Variants in TXNL1 observed in about 807,000 individuals in gnomAD.
The protein encoded by TXNL1 is thioredoxin like 1, also known as thioredoxin-like protein 1.
Under a neutral mutation model 35.5 loss-of-function variants are expected in TXNL1, and 14 were observed. That is an observed-to-expected ratio of 0.39 (90% CI 0.26 to 0.62). TXNL1 has a LOEUF of 0.62. Ranked by LOEUF, TXNL1 falls within the 20% of genes least tolerant of loss-of-function variation. The pLI is 0.47. For synonymous variants in TXNL1, 110 were observed against 115.5 expected (o/e 0.95, Z 0.31); for missense variants, 263 against 349.7 (o/e 0.75, Z 1.98).
intron 3 of TXNL1, among the ~76,000 whole-genome samples, chr18:56,619,027 T>C (rs1202131647): frequency 2.0e-5 from 3 of 151,484 alleles, no homozygotes; most frequent in Admixed American, 1.3e-4. Context: ...CTGGGCAACA[T>C]AGTGAGACTT....
rs1347637353 is a variant in TXNL1 at position 56,599,863 on chromosome 18, TTCTTAC to T, written c.*3158_*3163del. On this transcript the variant is annotated 3_prime_UTR_variant, in exon 8 of 8. Transcript: ENST00000217515. Reference sequence around the variant, plus strand: ...CATGAGCCACTGTTCCCAGCTGGATTTCTTACTCTAAGTTACTTATCTTAAAAAAAA... The same window carrying T: ...CATGAGCCACTGTTCCCAGCTGGATTTCTAAGTTACTTATCTTAAAAAAAA... 1 of 152,150 alleles carries T rather than the reference TTCTTAC, an allele frequency of 6.6e-6. No individual in the cohort carries two copies. Among genetic ancestry groups the T allele is most frequent in the Non-Finnish European group, 1.5e-5 (1 of 68,022 alleles). The allele number at this position is 152,150 out of a possible 1,614,324, so 9.4% of individuals were successfully genotyped here.
chr18:56,636,994 C>T (rs1200717497), intron 1 of TXNL1, among the ~76,000 whole-genome samples: 1 of 152,054 alleles, frequency 6.6e-6, no homozygotes, highest in Non-Finnish European at 1.5e-5. Flanking sequence ...TCTAACATTC[C>T]TTTTAGGTGT....
chr18:56,632,914 TCTGTA>T (rs1224676321), intron 1 of TXNL1, among the ~76,000 whole-genome samples: 1 of 152,238 alleles, frequency 6.6e-6, no homozygotes, highest in Non-Finnish European at 1.5e-5. Context: ...GCCTGCTTAC[TCTGTA>T]CTTCAATAAA....
At chr18:56,603,281 GTT>G (rs34882850) in intron 7 of TXNL1, among the ~76,000 whole-genome samples, 10 of 120,346 alleles carry the variant, frequency 8.3e-5, no homozygotes, top group African/African-American at 1.9e-4. Flanking sequence ...GTTTCACACA[GTT>G]TTTTTTTTTT....
At position 56,599,997 on chromosome 18, in the gene TXNL1, G is replaced by A. The variant is rs1256961537; in HGVS notation, c.*3030C>T. 6.6e-6 allele frequency: 1 copy of A among 152,130 alleles called. No homozygotes were observed. 9.4% of individuals were successfully genotyped at this position (152,130 alleles called of 1,614,324 possible). A position where few individuals can be genotyped will look rare whatever the true frequency, so the allele number is the denominator to read the frequency against. ...ATGAGTATCAATACAAGCAACATGA[G>A]TAAGCCTTAAATTTCATGTTTTTAA... On this transcript the variant is annotated 3_prime_UTR_variant, in exon 8 of 8. Coordinates refer to ENST00000217515, the MANE Select transcript of TXNL1 (RefSeq NM_004786.3).
chr18:56,610,915 G>GT (rs2144288792), intron 7 of TXNL1, 78 bp downstream of exon 7: 1 of 922,814 alleles, frequency 1.1e-6, no homozygotes, highest in Admixed American at 3.1e-5. Context: ...AAAAGAAAGT[G>GT]TGACAGTTGA....
chr18:56,624,233 A>G (rs2024238645), intron 3 of TXNL1, 55 bp downstream of exon 3: 9 of 1,510,532 alleles, frequency 6.0e-6, no homozygotes, highest in Non-Finnish European at 7.2e-6. Context: ...TTTTAGCCCA[A>G]TAATGACATG....
chr18:56,609,025 C>T (rs2023948672), intron 7 of TXNL1: 1 of 150,832 alleles, frequency 6.6e-6, no homozygotes, highest in African/African-American at 2.4e-5. Flanking sequence ...AGAAAATATG[C>T]TTATTTCTAA....
chr18:56,623,248 T>C (rs1020249910), intron 3 of TXNL1, among the ~76,000 whole-genome samples: 4 of 152,102 alleles, frequency 2.6e-5, no homozygotes, highest in African/African-American at 9.7e-5. Context: ...GCCAACATGG[T>C]GAAACCTCGT....
chr18:56,619,562 T>G (rs2024148422), intron 3 of TXNL1, among the ~76,000 whole-genome samples: 1 of 147,460 alleles, frequency 6.8e-6, no homozygotes, highest in South Asian at 2.2e-4. Flanking sequence ...AAAAAAAAAT[T>G]GTATTTGGTT....
Position 56,600,145 on chromosome 18 carries a change from T to C in TXNL1, c.*2882A>G, listed in dbSNP as rs2023793395. The C allele has an allele frequency of 6.6e-6, 1 of 152,250 alleles. No homozygotes were observed. Among genetic ancestry groups the C allele is most frequent in the African/African-American group, 2.4e-5 (1 of 41,460 alleles). The allele number at this position is 152,250 out of a possible 1,614,324, so 9.4% of individuals were successfully genotyped here. A position where few individuals can be genotyped will look rare whatever the true frequency, so the allele number is the denominator to read the frequency against. ...GAACTATTTTAGGTTTAAAAGCCCA[T>C]GATCAGGGATATTAATTGCAGCCAT... is the stretch of plus-strand genomic sequence containing the variant. On this transcript the variant is annotated 3_prime_UTR_variant, in exon 8 of 8. Transcript: ENST00000217515.
Position 56,602,890 on chromosome 18 carries a change from TGA to T in TXNL1, c.*135_*136del. ...GTCAAGATTACAATGGAAACACTAG[TGA>T]TACCATCTGAACAAAAGCAATGATT... On this transcript the variant is annotated 3_prime_UTR_variant, in exon 8 of 8. Coordinates refer to ENST00000217515, the MANE Select transcript of TXNL1 (RefSeq NM_004786.3). 1 of 929,004 alleles carries T rather than the reference TGA, an allele frequency of 1.1e-6. No individual in the cohort carries two copies. Among genetic ancestry groups the T allele is most frequent in the Non-Finnish European group, 1.7e-6 (1 of 590,146 alleles). 57.5% of individuals were successfully genotyped at this position (929,004 alleles called of 1,614,324 possible).
intron 4 of TXNL1, 60 bp from the exon 5 acceptor site, chr18:56,616,374 A>C: frequency 7.1e-7 from 1 of 1,411,344 alleles, no homozygotes; most frequent in Non-Finnish European, 9.8e-7. Context: ...TACATAAACT[A>C]CTGAAGCAGA....
Position 56,604,997 on chromosome 18 carries a change from A to G in TXNL1, c.841-1941T>C, listed in dbSNP as rs1231446891. Among the ~76,000 whole-genome samples the G allele has an allele frequency of 2.6e-5, 4 of 152,192 alleles. No homozygotes were observed. In the East Asian group the frequency reaches 7.7e-4, roughly 29 times the overall value. ...TTTTATTGTGATGTTATGCCTCAAAATGTAATACAAAATTAAATATGAAAC... is the reference window on the plus strand; with the variant it reads ...TTTTATTGTGATGTTATGCCTCAAAGTGTAATACAAAATTAAATATGAAAC... On this transcript the variant is annotated intron_variant, in intron 7 of 7. Coordinates refer to ENST00000217515, the MANE Select transcript of TXNL1 (RefSeq NM_004786.3).
chr18:56,605,558 A>G (rs2023879206), intron 7 of TXNL1, among the ~76,000 whole-genome samples: 1 of 152,186 alleles, frequency 6.6e-6, no homozygotes, highest in Non-Finnish European at 1.5e-5. Flanking sequence ...ATTGTAATTA[A>G]AAATTCTGTA....
intron 7 of TXNL1, among the ~76,000 whole-genome samples, chr18:56,603,677 T>A (rs1488341356): frequency 6.6e-6 from 1 of 152,180 alleles, no homozygotes; most frequent in South Asian, 2.1e-4. Context: ...TTGCTATATA[T>A]GTGGCAGCAT....
In TXNL1 at chr18:56,608,102, C is replaced by T. The variant is rs906866556; in HGVS notation, c.840+2891G>A. On this transcript the variant is annotated intron_variant, in intron 7 of 7. Coordinates refer to ENST00000217515, the MANE Select transcript of TXNL1 (RefSeq NM_004786.3). ...CTAAGAATGTATCCCCCCGCCCCGA[C>T]AGATAAGGAGAGACTATTGTACTAG... 5.3e-5 allele frequency among the ~76,000 whole-genome samples: 8 copies of T among 152,248 alleles called. No individual in the cohort carries two copies. The South Asian group carries it at 6.2e-4, about 12-fold the overall frequency.
At chr18:56,625,514 C>A (rs1443405292) in intron 2 of TXNL1, among the ~76,000 whole-genome samples, 1 of 152,068 alleles carries the variant, frequency 6.6e-6, no homozygotes, top group African/African-American at 2.4e-5. Context: ...CCACACATAG[C>A]CAGTGGTTAC....
intron 1 of TXNL1, among the ~76,000 whole-genome samples, chr18:56,632,216 T>C (rs191871299): frequency 5.4e-4 from 83 of 152,320 alleles, no homozygotes; most frequent in African/African-American, 1.7e-3. Flanking sequence ...AAGTGTCTTA[T>C]CTTGAGCAAC....
Sources: gnomAD v4.1 joint callset for allele counts (sites outside exome capture counted in the v4.1 genomes callset) on GRCh38, gnomAD v4.1.1 for gene constraint, MANE v1.5 for transcripts, NCBI Gene and HGNC (gene_info 2026-07-23, HGNC 2026-07-21) for gene names.